HHAT: variants seen among roughly 807,000 people sequenced by gnomAD.
The protein encoded by HHAT is hedgehog acyltransferase.
Under a neutral mutation model 70.8 loss-of-function variants are expected in HHAT, and 47 were observed. That is an observed-to-expected ratio of 0.66 (90% CI 0.53 to 0.85). The LOEUF (loss-of-function observed/expected upper bound fraction) is 0.85. HHAT is among the 40% of genes least tolerant of loss of function. The pLI is 0.00. For synonymous variants in HHAT, 228 were observed against 247.6 expected, an observed-to-expected ratio of 0.92 and a Z score of 0.74; for missense variants, 609 against 604.8, an observed-to-expected ratio of 1.01 and a Z score of -0.07.
chr1:210,559,227 C>T (rs753488617), intron 9 of HHAT, among the ~76,000 whole-genome samples: 4 of 152,066 alleles, frequency 2.6e-5, no homozygotes, highest in Non-Finnish European at 5.9e-5. Context: ...AAAGTATTTA[C>T]CTATTCATTT....
intron 7 of HHAT, among the ~76,000 whole-genome samples, chr1:210,442,299 C>T (rs548002760): frequency 1.1e-4 from 15 of 132,680 alleles, no homozygotes; most frequent in East Asian, 4.3e-4. Context: ...TGAATAATGC[C>T]GCAGTAAACA....
rs528419184 is a variant in HHAT, at chr1:210,398,317, G to T, written c.274-2151G>T. Among the ~76,000 whole-genome samples, 26 of 152,290 alleles carry T rather than the reference G, an allele frequency of 1.7e-4. No individual in the cohort carries two copies. The East Asian group carries it at 5.0e-3, about 29-fold the overall frequency. On this transcript the variant is annotated intron_variant, in intron 4 of 11. Transcript: ENST00000261458. ...TTGCTTGTACTTGGGGAGAATCAATGGGTAATATTAAGATGGGTAGAGAAC... is the reference window on the plus strand; with the variant it reads ...TTGCTTGTACTTGGGGAGAATCAATTGGTAATATTAAGATGGGTAGAGAAC...
intron 11 of HHAT, among the ~76,000 whole-genome samples, chr1:210,624,898 A>G (rs1669537505): frequency 6.6e-6 from 1 of 152,200 alleles, no homozygotes; most frequent in Non-Finnish European, 1.5e-5. Flanking sequence ...CCAAGTGGTG[A>G]TGACATAACT....
chr1:210,431,457 A>C (rs2093241283), intron 7 of HHAT, among the ~76,000 whole-genome samples: 1 of 151,856 alleles, frequency 6.6e-6, no homozygotes, highest in Non-Finnish European at 1.5e-5. Flanking sequence ...AAACAGCTCA[A>C]GTATATATTT....
At chr1:210,591,507 TG>T in intron 10 of HHAT, among the ~76,000 whole-genome samples, 1 of 152,278 alleles carries the variant, frequency 6.6e-6, no homozygotes, top group South Asian at 2.1e-4. Context: ...ACAGTAAACA[TG>T]GGAGTGCAAA....
At chr1:210,348,729 A>ATGTTTGCGTGTG (rs1553317670) in intron 1 of HHAT, among the ~76,000 whole-genome samples, 6 of 72,264 alleles carry the variant, frequency 8.3e-5, no homozygotes, top group African/African-American at 4.7e-4. Flanking sequence ...TGTGTGGTGT[A>ATGTTTGCGTGTG]TGTGTGCGTG....
chr1:210,455,182 C>A (rs1388081017), intron 7 of HHAT, among the ~76,000 whole-genome samples: 1 of 152,200 alleles, frequency 6.6e-6, no homozygotes, highest in Non-Finnish European at 1.5e-5. Flanking sequence ...CCTTGGCACA[C>A]TAAGTGCCTG....
intron 11 of HHAT, among the ~76,000 whole-genome samples, chr1:210,673,123 C>G (rs1680417369): frequency 6.6e-6 from 1 of 152,188 alleles, no homozygotes; most frequent in Non-Finnish European, 1.5e-5. Context: ...AAATGACCCT[C>G]CTGATCTTGC....
rs188920861 is a variant in HHAT at position 210,543,603 on chromosome 1, C to A, written c.1043+30415C>A. ...AGTGAGACCCTGCCTCAACCCTCCC[C>A]ACCCCTTCAAAAGACTTCACGTGTT... On this transcript the variant is annotated intron_variant, in intron 9 of 11. Coordinates refer to ENST00000261458, the MANE Select transcript of HHAT (RefSeq NM_018194.6). Among the ~76,000 whole-genome samples, 5 of 152,238 alleles carry A rather than the reference C, an allele frequency of 3.3e-5. No homozygotes were observed. In the East Asian group the frequency reaches 9.7e-4, roughly 29 times the overall value.
intron 6 of HHAT, among the ~76,000 whole-genome samples, chr1:210,416,809 T>C (rs926579): frequency 0.57 from 86,019 of 151,978 alleles, 24,676 homozygotes; most frequent in Admixed American, 0.63. Context: ...ATGGAGGCGG[T>C]TAATGATAGA....
At chr1:210,376,065 A>G (rs555829220) in intron 3 of HHAT, among the ~76,000 whole-genome samples, 1 of 123,822 alleles carries the variant, frequency 8.1e-6, no homozygotes, top group African/African-American at 3.2e-5. Context: ...GGGTTTTGCC[A>G]TATCGGCCAG....
intron 10 of HHAT, among the ~76,000 whole-genome samples, chr1:210,598,084 G>A (rs114072669): frequency 6.6e-6 from 1 of 151,878 alleles, no homozygotes; most frequent in Non-Finnish European, 1.5e-5. Context: ...TCAAAGCAGT[G>A]GGTTCCCTTT....
intron 9 of HHAT, among the ~76,000 whole-genome samples, chr1:210,540,425 TAGG>T (rs1216520235): frequency 6.6e-6 from 1 of 150,700 alleles, no homozygotes; most frequent in South Asian, 2.1e-4. Flanking sequence ...TGGTAGTAAA[TAGG>T]AGATTTTTTC....
rs371722219 is a variant in HHAT, at chr1:210,583,947, A to ATTTTTTT, written c.1044-3934_1044-3928dup. ...TTTTCTGACATATACAGTGCAGCTA[A>ATTTTTTT]TTTTTTTTTTTTTTTTTTTTTTTGT... On this transcript the variant is annotated intron_variant, in intron 9 of 11. Transcript: ENST00000261458. Among the ~76,000 whole-genome samples, 290 of 88,982 alleles carry ATTTTTTT rather than the reference A, an allele frequency of 3.3e-3. 9 individuals are homozygous for ATTTTTTT. The highest frequency in any genetic ancestry group is 9.3e-3 in the Middle Eastern group (1 of 108). 58.4% of individuals were successfully genotyped at this position (88,982 alleles called of 152,430 possible).
intron 2 of HHAT, among the ~76,000 whole-genome samples, chr1:210,355,062 C>T (rs543176656): frequency 1.1e-4 from 16 of 152,130 alleles, no homozygotes; most frequent in Non-Finnish European, 2.2e-4. Context: ...AAGATTATTT[C>T]TGAGTCTTTT....
intron 9 of HHAT, among the ~76,000 whole-genome samples, chr1:210,576,444 G>A (rs1236569616): frequency 4.1e-5 from 6 of 145,964 alleles, no homozygotes; most frequent in Non-Finnish European, 9.0e-5. Flanking sequence ...GTGCGTGTGC[G>A]TGTTAAGAAC....
intron 7 of HHAT, among the ~76,000 whole-genome samples, chr1:210,457,379 A>AC (rs2093891843): frequency 1.3e-5 from 2 of 152,204 alleles, no homozygotes; most frequent in African/African-American, 4.8e-5. Context: ...AGCTTTAATC[A>AC]CAAAAAAAAG....
At chr1:210,402,435 A>G (rs1359252400) in intron 5 of HHAT, among the ~76,000 whole-genome samples, 1 of 152,076 alleles carries the variant, frequency 6.6e-6, no homozygotes, top group African/African-American at 2.4e-5. Flanking sequence ...ACATTTACGT[A>G]TGTTTATGCT....
In HHAT at chr1:210,400,676, T is replaced by G. The variant is rs768169508; in HGVS notation, c.468+14T>G. 10 of 1,604,474 alleles carry G rather than the reference T, an allele frequency of 6.2e-6. No individual in the cohort carries two copies. The highest frequency in any genetic ancestry group is 2.2e-5 in the South Asian group (2 of 88,994). On this transcript the variant is annotated intron_variant, in intron 5 of 11. Transcript: ENST00000261458. The stretch of plus-strand genomic sequence containing the variant: ...GAAGAAGTTAAGGTAAGTGTTTTCC[T>G]GTTACCATTGGGAATCCAGAGAAGG...
Sources: gnomAD v4.1 joint callset for allele counts (sites outside exome capture counted in the v4.1 genomes callset) on GRCh38, gnomAD v4.1.1 for gene constraint, MANE v1.5 for transcripts, NCBI Gene and HGNC (gene_info 2026-07-23, HGNC 2026-07-21) for gene names.